DIPK2B: variants seen among roughly 807,000 people sequenced by gnomAD.
DIPK2B encodes divergent protein kinase domain 2B.
A neutral mutation model predicts 22.2 loss-of-function variants in DIPK2B; 15 were observed. The ratio of observed to expected loss-of-function variants is 0.68; its 90% confidence interval spans 0.45 to 1.04. The LOEUF (loss-of-function observed/expected upper bound fraction) is 1.04, where lower values mean the gene tolerates loss of function less well. Ranked by LOEUF, DIPK2B falls within the 50% of genes least tolerant of loss-of-function variation. The pLI is 0.00. For synonymous variants in DIPK2B, 163 were observed against 153.2 expected (o/e 1.06, Z -0.47); for missense variants, 345 against 348.3 (o/e 0.99, Z 0.08).
At chrX:45,195,144 T>A (rs763669070) in intron 1 of DIPK2B, among the ~76,000 whole-genome samples, 1 of 112,739 alleles carries the variant, frequency 8.9e-6, no homozygotes, top group East Asian at 2.8e-4. Context: ...CTACCTACTT[T>A]ATTAAATAGA....
intron 4 of DIPK2B, among the ~76,000 whole-genome samples, chrX:45,152,729 G>A (rs1210916589): frequency 1.8e-5 from 2 of 110,901 alleles, no homozygotes; most frequent in Non-Finnish European, 3.8e-5. Context: ...TCAGGAGTTC[G>A]AGACCAGCCT....
chrX:45,163,753 T>A, intron 2 of DIPK2B: 1 of 759,633 alleles, frequency 1.3e-6, no homozygotes. Context: ...CAAGAACAGG[T>A]TTTCCTTCAG....
intron 2 of DIPK2B, among the ~76,000 whole-genome samples, chrX:45,169,420 A>T (rs1325953483): frequency 1.8e-5 from 2 of 111,741 alleles, no homozygotes; most frequent in African/African-American, 6.5e-5. Flanking sequence ...GATCTCTTGG[A>T]TCTTTGGTCC....
chrX:45,177,119 A>G (rs72628906), intron 2 of DIPK2B, among the ~76,000 whole-genome samples: 44,640 of 108,109 alleles, frequency 0.41, 7,804 homozygotes, highest in African/African-American at 0.66. Context: ...GCAACATGGC[A>G]AGACCCTGTC....
chrX:45,189,127 A>AAGC (rs1405504886), intron 2 of DIPK2B, among the ~76,000 whole-genome samples: 1 of 112,217 alleles, frequency 8.9e-6, no homozygotes, highest in African/African-American at 3.2e-5. Context: ...CCCTGGCCTC[A>AAGC]AGCAATCCTC....
At chrX:45,155,435 T>A (rs976659621) in intron 3 of DIPK2B, among the ~76,000 whole-genome samples, 188 of 104,212 alleles carry the variant, frequency 1.8e-3, no homozygotes, top group South Asian at 3.0e-3. Context: ...AAAAAAAATA[T>A]ATATATATAT....
intron 2 of DIPK2B, among the ~76,000 whole-genome samples, chrX:45,184,954 T>TG (rs1412315882): frequency 8.9e-6 from 1 of 112,132 alleles, no homozygotes; most frequent in East Asian, 2.8e-4. Flanking sequence ...TTATAGTTAA[T>TG]GTCTGATGTG....
chrX:45,148,481 T>C lies in DIPK2B; in HGVS notation c.*3171A>G, dbSNP rs1352601263. 3 of 110,682 alleles carry C rather than the reference T, an allele frequency of 2.7e-5. No individual in the cohort carries two copies. Among genetic ancestry groups the C allele is most frequent in the Non-Finnish European group, 3.8e-5 (2 of 52,874 alleles). The allele number at this position is 110,682 out of a possible 1,213,427, so 9.1% of individuals were successfully genotyped here. ...AAGGGCTTCAGGAAGCTTCCAATCA[T>C]GGTGGAAGGCGAAGGGGGAGCAGGT... On this transcript the variant is annotated 3_prime_UTR_variant, in exon 5 of 5. Coordinates refer to ENST00000398000, the MANE Select transcript of DIPK2B (RefSeq NM_176819.4).
At chrX:45,194,454 T>C (rs748282732) in intron 1 of DIPK2B, among the ~76,000 whole-genome samples, 1 of 110,772 alleles carries the variant, frequency 9.0e-6, no homozygotes, top group Non-Finnish European at 1.9e-5. Flanking sequence ...TTCACCATGT[T>C]GGCCAGGCTG....
chrX:45,177,196 G>GGCTGAGGT (rs2047123512), intron 2 of DIPK2B, among the ~76,000 whole-genome samples: 1 of 109,702 alleles, frequency 9.1e-6, no homozygotes, highest in African/African-American at 3.3e-5. Context: ...CTACTTGGGA[G>GGCTGAGGT]GCTGAGGTGC....
rs1371925535 is a variant in DIPK2B, at chrX:45,153,555, AAGAG to A, written c.961+351_961+354del. Among the ~76,000 whole-genome samples, 27 of 32,524 alleles carry A rather than the reference AAGAG, an allele frequency of 8.3e-4. No individual in the cohort carries two copies. In the South Asian group the frequency reaches 0.015, roughly 18 times the overall value. The allele number at this position is 32,524 out of a possible 115,157, so 28.2% of individuals were successfully genotyped here. On this transcript the variant is annotated intron_variant, in intron 4 of 4. Coordinates refer to ENST00000398000, the MANE Select transcript of DIPK2B (RefSeq NM_176819.4). ...GAGAGGAGAGAGAGAGAGAGTGAGA[AAGAG>A]AGAGAGAGAGAGAGAAAGGAGGGTC...
chrX:45,180,773 C>T (rs764441719), intron 2 of DIPK2B, among the ~76,000 whole-genome samples: 85 of 111,589 alleles, frequency 7.6e-4, no homozygotes, highest in African/African-American at 2.6e-3. Context: ...CCTATATATA[C>T]TATGTTTTTT....
At chrX:45,154,278 CCTATCTATCTATCTAT>C (rs57660875) in intron 3 of DIPK2B, 80 bp from the exon 4 acceptor site, 53 of 598,711 alleles carry the variant, frequency 8.9e-5, no homozygotes, top group East Asian at 2.3e-4. Flanking sequence ...TATCTATCTC[CCTATCTATCTATCTAT>C]CTATCTATCT....
chrX:45,195,902 C>CCTT (rs1360559348), intron 1 of DIPK2B, among the ~76,000 whole-genome samples: 1 of 112,165 alleles, frequency 8.9e-6, no homozygotes, highest in Admixed American at 9.5e-5. Context: ...CCAATGTAGC[C>CCTT]CTTTAAAATC....
intron 2 of DIPK2B, among the ~76,000 whole-genome samples, chrX:45,170,419 G>A (rs1177958335): frequency 8.9e-6 from 1 of 111,871 alleles, no homozygotes; most frequent in Non-Finnish European, 1.9e-5. Context: ...TCAGAAGCTT[G>A]CCTTCGTGCA....
At chrX:45,166,468 C>T (rs1005516188) in intron 2 of DIPK2B, among the ~76,000 whole-genome samples, 7 of 110,932 alleles carry the variant, frequency 6.3e-5, no homozygotes, top group South Asian at 3.9e-4. Flanking sequence ...ACTCAATTTC[C>T]GCCTCTGTAA....
Position 45,200,728 on chromosome X carries a change from T to C in DIPK2B, c.99A>G (p.Pro33=). Reference sequence around the variant, plus strand: ...GCACCAGAGAAGAAAGGGAAGAAGCTGGCAAGGAGAAAGAACAGCTCAGGG... The same window carrying C: ...GCACCAGAGAAGAAAGGGAAGAAGCCGGCAAGGAGAAAGAACAGCTCAGGG... ...VSALSCSFSL[P]ASSLSSLVPQ... Residue 33 remains proline, a synonymous_variant, in exon 1 of 5, where the codon CCA becomes CCG. Coordinates refer to ENST00000398000, the MANE Select transcript of DIPK2B (RefSeq NM_176819.4). 1.7e-6 allele frequency: 2 copies of C among 1,212,037 alleles called. No homozygotes were observed. The highest frequency in any genetic ancestry group is 1.8e-5 in the South Asian group (1 of 56,941).
At chrX:45,192,417 C>A (rs756068051) in intron 1 of DIPK2B, among the ~76,000 whole-genome samples, 126 of 110,923 alleles carry the variant, frequency 1.1e-3, no homozygotes, top group African/African-American at 3.8e-3. Flanking sequence ...CAAGGTCAGA[C>A]AATATGTTGC....
intron 2 of DIPK2B, among the ~76,000 whole-genome samples, chrX:45,165,228 G>T (rs2047041891): frequency 9.0e-6 from 1 of 111,445 alleles, no homozygotes; most frequent in African/African-American, 3.3e-5. Flanking sequence ...AAAGACAGTT[G>T]GTAATGGCTT....
Sources: gnomAD v4.1 joint callset for allele counts (sites outside exome capture counted in the v4.1 genomes callset) on GRCh38, gnomAD v4.1.1 for gene constraint, MANE v1.5 for transcripts, NCBI Gene and HGNC (gene_info 2026-07-23, HGNC 2026-07-21) for gene names.